Variants in SERGEF observed in about 807,000 individuals in gnomAD.
SERGEF encodes secretion regulating guanine nucleotide exchange factor, also known as secretion-regulating guanine nucleotide exchange factor.
In SERGEF, 51 loss-of-function variants were observed where a neutral mutation model predicts 50.0. The observed-to-expected ratio is 1.02, with a 90% CI of 0.81 to 1.29. The LOEUF is 1.29. Among genes scored for constraint, SERGEF ranks in the 50% most tolerant of loss-of-function variants. The pLI is 0.00. For missense variants in SERGEF, 521 were observed against 557.0 expected (o/e 0.94, Z 0.65); for synonymous variants, 205 against 212.4 (o/e 0.97, Z 0.30).
chr11:17,968,780 A>G (rs1044293674), intron 8 of SERGEF, among the ~76,000 whole-genome samples: 1 of 152,064 alleles, frequency 6.6e-6, no homozygotes, highest in African/African-American at 2.4e-5. Context: ...GACAGACAAC[A>G]ACAACAACAA....
intron 10 of SERGEF, among the ~76,000 whole-genome samples, chr11:17,805,922 A>G (rs1849751975): frequency 6.6e-6 from 1 of 152,228 alleles, no homozygotes; most frequent in African/African-American, 2.4e-5. Flanking sequence ...GTTACCATGA[A>G]TACCATTTAT....
chr11:17,936,969 G>C (rs1266094178), intron 9 of SERGEF, among the ~76,000 whole-genome samples: 1 of 152,130 alleles, frequency 6.6e-6, no homozygotes, highest in Non-Finnish European at 1.5e-5. Flanking sequence ...TTTGACCAAA[G>C]ATTTAAGCAC....
intron 5 of SERGEF, chr11:17,999,677 T>C (rs1853918498): frequency 2.4e-6 from 1 of 410,550 alleles, no homozygotes; most frequent in Non-Finnish European, 4.8e-6. Flanking sequence ...ACACAGACTG[T>C]CAGTCCCATC....
chr11:17,927,636 G>A (rs1852276171), intron 9 of SERGEF, among the ~76,000 whole-genome samples: 1 of 152,164 alleles, frequency 6.6e-6, no homozygotes, highest in Admixed American at 6.5e-5. Context: ...TCTCAGATGT[G>A]ATGATCCATT....
chr11:17,935,034 T>C (rs1311584946), intron 9 of SERGEF, among the ~76,000 whole-genome samples: 1 of 152,182 alleles, frequency 6.6e-6, no homozygotes, highest in Non-Finnish European at 1.5e-5. Context: ...AAAGGAAACC[T>C]GCCAGTAGGC....
intron 9 of SERGEF, among the ~76,000 whole-genome samples, chr11:17,879,238 A>G (rs541325924): frequency 1.1e-4 from 16 of 152,344 alleles, no homozygotes; most frequent in Non-Finnish European, 1.5e-4. Flanking sequence ...CAGTCTCCAT[A>G]TGTCCCAACT....
chr11:17,876,665 A>G (rs1272223661), intron 10 of SERGEF, among the ~76,000 whole-genome samples: 1 of 152,210 alleles, frequency 6.6e-6, no homozygotes, highest in Non-Finnish European at 1.5e-5. Flanking sequence ...TGCCTACGTC[A>G]GCTCAGCCTG....
At chr11:17,855,588 G>A (rs1565186552) in intron 10 of SERGEF, 1 of 152,202 alleles carries the variant, frequency 6.6e-6, no homozygotes, top group Admixed American at 6.5e-5. Flanking sequence ...CATGTTCTGG[G>A]TGGGATGGAG....
chr11:17,971,670 T>C (rs1853251725), intron 8 of SERGEF, among the ~76,000 whole-genome samples: 1 of 152,216 alleles, frequency 6.6e-6, no homozygotes, highest in South Asian at 2.1e-4. Flanking sequence ...TGGAGATTAA[T>C]GTTGTTCTCA....
At chr11:17,925,374 G>A (rs988237930) in intron 9 of SERGEF, among the ~76,000 whole-genome samples, 4 of 151,940 alleles carry the variant, frequency 2.6e-5, no homozygotes, top group African/African-American at 7.3e-5. Context: ...GAAGAAATAC[G>A]CTACTGCAGG....
intron 10 of SERGEF, among the ~76,000 whole-genome samples, chr11:17,870,357 G>A (rs1252189793): frequency 6.6e-6 from 1 of 152,220 alleles, no homozygotes; most frequent in Non-Finnish European, 1.5e-5. Context: ...TGTAGAAAAG[G>A]GAGGCAGAAG....
intron 8 of SERGEF, among the ~76,000 whole-genome samples, chr11:17,965,568 G>T (rs996075223): frequency 6.6e-6 from 1 of 151,912 alleles, no homozygotes; most frequent in African/African-American, 2.4e-5. Context: ...CCTCATCCTG[G>T]GAGCATTTAC....
At chr11:17,870,561 T>C (rs1300183100) in intron 10 of SERGEF, among the ~76,000 whole-genome samples, 2 of 152,332 alleles carry the variant, frequency 1.3e-5, no homozygotes, top group East Asian at 3.9e-4. Context: ...GTGAGACCCA[T>C]CTTAGATTTC....
intron 10 of SERGEF, among the ~76,000 whole-genome samples, chr11:17,864,187 C>T (rs1329014731): frequency 6.6e-6 from 1 of 152,232 alleles, no homozygotes; most frequent in African/African-American, 2.4e-5. Context: ...TGCAGTGGGT[C>T]ACAAATGCAG....
At chr11:17,887,323 C>A (rs1395494291) in intron 9 of SERGEF, among the ~76,000 whole-genome samples, 1 of 152,116 alleles carries the variant, frequency 6.6e-6, no homozygotes, top group Non-Finnish European at 1.5e-5. Context: ...CTGGTCCTTG[C>A]CAACTAAAAA....
intron 8 of SERGEF, among the ~76,000 whole-genome samples, chr11:17,975,221 T>C (rs998662462): frequency 6.6e-6 from 1 of 152,240 alleles, no homozygotes; most frequent in African/African-American, 2.4e-5. Flanking sequence ...TGTCTCTTTA[T>C]GTCTCTTCGG....
At chr11:17,970,559 T>C (rs1287111690) in intron 8 of SERGEF, among the ~76,000 whole-genome samples, 1 of 152,174 alleles carries the variant, frequency 6.6e-6, no homozygotes, top group African/African-American at 2.4e-5. Flanking sequence ...TGATTAATCT[T>C]AGGGAGGAAG....
chr11:17,807,867 C>T (rs1410518440), intron 10 of SERGEF, among the ~76,000 whole-genome samples: 1 of 152,168 alleles, frequency 6.6e-6, no homozygotes, highest in African/African-American at 2.4e-5. Flanking sequence ...CAGCCATTGC[C>T]TCCCCCAGTC....
At chr11:17,923,495 C>T (rs1452252117) in intron 9 of SERGEF, among the ~76,000 whole-genome samples, 2 of 152,198 alleles carry the variant, frequency 1.3e-5, no homozygotes, top group African/African-American at 2.4e-5. Context: ...CCAGAGACTC[C>T]TGGTACTCCA....
Sources: allele counts gnomAD v4.1 joint callset (sites outside exome capture counted in the v4.1 genomes callset), GRCh38; gene constraint gnomAD v4.1.1; transcripts MANE v1.5; gene names NCBI Gene and HGNC (gene_info 2026-07-23, HGNC 2026-07-21).